NAALADL2: variants seen among roughly 807,000 people sequenced by gnomAD.
NAALADL2 encodes the protein inactive N-acetylated-alpha-linked acidic dipeptidase-like protein 2.
In NAALADL2, 76 loss-of-function variants were observed where a neutral mutation model predicts 87.2. The observed-to-expected ratio is 0.87, with a 90% CI of 0.72 to 1.05. The LOEUF (loss-of-function observed/expected upper bound fraction) is 1.05. NAALADL2 is among the 50% of genes least tolerant of loss of function. NAALADL2 has a pLI of 0.00. For missense variants in NAALADL2, 1,089 were observed against 945.8 expected, an observed-to-expected ratio of 1.15 and a Z score of -1.99; for synonymous variants, 354 against 331.0, an observed-to-expected ratio of 1.07 and a Z score of -0.75.
chr3:174,555,826 A>G (rs1712726005), intron 2 of NAALADL2, among the ~76,000 whole-genome samples: 1 of 152,128 alleles, frequency 6.6e-6, no homozygotes, highest in Admixed American at 6.5e-5. Context: ...GCCAGTTCTC[A>G]GAGGAAAAGT....
At chr3:175,444,949 T>C (rs1720453655) in intron 5 of NAALADL2, among the ~76,000 whole-genome samples, 1 of 152,198 alleles carries the variant, frequency 6.6e-6, no homozygotes, top group African/African-American at 2.4e-5. Context: ...GAAACACTCG[T>C]GTAACATATT....
intron 3 of NAALADL2, among the ~76,000 whole-genome samples, chr3:174,822,917 G>T (rs978113719): frequency 6.6e-6 from 1 of 152,034 alleles, no homozygotes; most frequent in Admixed American, 6.6e-5. Flanking sequence ...TTATCTATTT[G>T]CAATAGAAAG....
intron 2 of NAALADL2, among the ~76,000 whole-genome samples, chr3:174,671,948 TGATGATGATGATGAC>T (rs1281960624): frequency 6.6e-6 from 1 of 151,818 alleles, no homozygotes; most frequent in Non-Finnish European, 1.5e-5. Context: ...ATGATGATGA[TGATGATGATGATGAC>T]AGTGGTGATG....
Position 174,843,076 on chromosome 3 carries a change from G to A in NAALADL2, c.-9+105330G>A, listed in dbSNP as rs527487242. On this transcript the variant is annotated intron_variant, in intron 3 of 3. Transcript: ENST00000434257. ...AATCAGGGTATTTAGCATATCTATC[G>A]CTTCATGAATTTATCATTTCTGTAT... 1.8e-4 allele frequency among the ~76,000 whole-genome samples: 28 copies of A among 151,876 alleles called. No individual in the cohort carries two copies. The South Asian group carries it at 2.5e-3, about 14-fold the overall frequency.
chr3:174,839,670 C>G (rs893103389), intron 3 of NAALADL2, among the ~76,000 whole-genome samples: 1 of 151,802 alleles, frequency 6.6e-6, no homozygotes, highest in Non-Finnish European at 1.5e-5. Flanking sequence ...ATAATCCCAT[C>G]AAAAAGTGGG....
intron 2 of NAALADL2, among the ~76,000 whole-genome samples, chr3:174,610,552 A>G (rs2108637950): frequency 6.6e-6 from 1 of 152,308 alleles, no homozygotes; most frequent in Non-Finnish European, 1.5e-5. Context: ...GCAGCCAAAA[A>G]ACACGTGAAA....
intron 4 of NAALADL2, among the ~76,000 whole-genome samples, chr3:175,268,282 G>T (rs566113449): frequency 1.3e-5 from 2 of 152,110 alleles, no homozygotes; most frequent in Non-Finnish European, 2.9e-5. Context: ...GTAAGTATTT[G>T]TGTATCTAAA....
intron 2 of NAALADL2, among the ~76,000 whole-genome samples, chr3:175,131,569 G>C (rs1485893919): frequency 6.6e-6 from 1 of 152,110 alleles, no homozygotes; most frequent in Non-Finnish European, 1.5e-5. Context: ...GCAACCATCC[G>C]ATTTCTCAAT....
chr3:175,582,113 G>GTACAGTA (rs1169382060), intron 10 of NAALADL2, among the ~76,000 whole-genome samples: 8 of 151,940 alleles, frequency 5.3e-5, no homozygotes, highest in Non-Finnish European at 8.8e-5. Context: ...AACCTTGATT[G>GTACAGTA]TACAGTATAT....
At chr3:175,702,629 T>G (rs1162220936) in intron 11 of NAALADL2, among the ~76,000 whole-genome samples, 1 of 152,182 alleles carries the variant, frequency 6.6e-6, no homozygotes, top group East Asian at 1.9e-4. Context: ...TAATTTGTTT[T>G]TCATCCCATG....
At chr3:174,826,053 G>GACA (rs890058578) in intron 3 of NAALADL2, among the ~76,000 whole-genome samples, 2,568 of 112,830 alleles carry the variant, frequency 0.023, 28 homozygotes, top group African/African-American at 0.051. Context: ...CAACAACAAC[G>GACA]ACAACAACAA....
chr3:175,333,525 G>A (rs1049757271), intron 5 of NAALADL2, among the ~76,000 whole-genome samples: 2 of 152,124 alleles, frequency 1.3e-5, no homozygotes, highest in African/African-American at 4.8e-5. Context: ...CAGCAACAGG[G>A]GTGGAACTGG....
chr3:174,578,683 G>A (rs918557848), intron 2 of NAALADL2, among the ~76,000 whole-genome samples: 1 of 151,906 alleles, frequency 6.6e-6, no homozygotes, highest in Admixed American at 6.6e-5. Flanking sequence ...AAGGAACAGA[G>A]AGTGGCAGAA....
chr3:174,887,882 A>G (rs1175232810), intron 1 of NAALADL2, among the ~76,000 whole-genome samples: 1 of 151,100 alleles, frequency 6.6e-6, no homozygotes, highest in East Asian at 1.9e-4. Flanking sequence ...TTCTGTTGTC[A>G]TGGAGCTTGC....
intron 3 of NAALADL2, among the ~76,000 whole-genome samples, chr3:174,784,711 G>T (rs1475932652): frequency 2.0e-5 from 3 of 152,156 alleles, no homozygotes; most frequent in Non-Finnish European, 4.4e-5. Flanking sequence ...TTATCCGTTG[G>T]ACCAAATGTG....
At chr3:174,742,316 A>C (rs1240490731) in intron 3 of NAALADL2, among the ~76,000 whole-genome samples, 1 of 151,652 alleles carries the variant, frequency 6.6e-6, no homozygotes, top group East Asian at 1.9e-4. Context: ...TACAATACAG[A>C]GTCATATTGT....
intron 1 of NAALADL2, among the ~76,000 whole-genome samples, chr3:175,030,848 A>G (rs919923956): frequency 6.6e-6 from 1 of 151,950 alleles, no homozygotes; most frequent in African/African-American, 2.4e-5. Context: ...TGAACAGTTA[A>G]TGGATTTTGG....
rs551604318 is a variant in NAALADL2 at position 174,770,090 on chromosome 3, T to TGA, written c.-9+32344_-9+32345insGA. 1.5e-4 allele frequency among the ~76,000 whole-genome samples: 23 copies of TGA among 152,252 alleles called. No homozygotes were observed. In the South Asian group the frequency reaches 4.1e-3, roughly 27 times the overall value. On this transcript the variant is annotated intron_variant, in intron 3 of 3. Transcript: ENST00000434257. ...TGTTATGTCATATCCATCAACTCTT[T>TGA]CAGCAAAATTGTAACTCTTACAGAC...
intron 3 of NAALADL2, among the ~76,000 whole-genome samples, chr3:174,759,649 A>T (rs1712634458): frequency 6.6e-6 from 1 of 152,154 alleles, no homozygotes; most frequent in South Asian, 2.1e-4. Flanking sequence ...TTAGTACCAA[A>T]CCAAATCTAC....
Sources: gnomAD v4.1 joint callset for allele counts (sites outside exome capture counted in the v4.1 genomes callset) on GRCh38, gnomAD v4.1.1 for gene constraint, MANE v1.5 for transcripts, NCBI Gene and HGNC (gene_info 2026-07-23, HGNC 2026-07-21) for gene names.